NAALADL2: variants seen among roughly 807,000 people sequenced by gnomAD.
NAALADL2 encodes the protein inactive N-acetylated-alpha-linked acidic dipeptidase-like protein 2.
Under a neutral mutation model 87.2 loss-of-function variants are expected in NAALADL2, and 76 were observed. That is an observed-to-expected ratio of 0.87 (90% CI 0.72 to 1.05). NAALADL2 has a LOEUF of 1.05. NAALADL2 is among the 50% of genes least tolerant of loss of function. The pLI is 0.00. For missense variants in NAALADL2, 1,089 were observed against 945.8 expected (o/e 1.15, Z -1.99); for synonymous variants, 354 against 331.0 (o/e 1.07, Z -0.75).
intron 1 of NAALADL2, among the ~76,000 whole-genome samples, chr3:174,489,066 G>T (rs1046631899): frequency 6.6e-6 from 1 of 151,930 alleles, no homozygotes; most frequent in Non-Finnish European, 1.5e-5. Context: ...CTGGATATTG[G>T]TCAGCCATTT....
intron 3 of NAALADL2, among the ~76,000 whole-genome samples, chr3:174,799,954 TAG>T (rs1220700289): frequency 6.6e-6 from 1 of 152,138 alleles, no homozygotes; most frequent in Admixed American, 6.6e-5. Flanking sequence ...GCCCCTGCCC[TAG>T]AGATCTGTGG....
At chr3:175,246,632 C>T (rs563927284) in intron 3 of NAALADL2, among the ~76,000 whole-genome samples, 58 of 152,278 alleles carry the variant, frequency 3.8e-4, no homozygotes, top group African/African-American at 1.2e-3. Flanking sequence ...GACTTAGTTA[C>T]TTTTAATTAC....
intron 10 of NAALADL2, among the ~76,000 whole-genome samples, chr3:175,614,388 GT>G (rs1313402681): frequency 6.6e-6 from 1 of 152,164 alleles, no homozygotes; most frequent in Non-Finnish European, 1.5e-5. Flanking sequence ...TAGATATTTA[GT>G]ATTTATTTTT....
At chr3:175,088,171 A>G (rs1484318239) in intron 1 of NAALADL2, among the ~76,000 whole-genome samples, 1 of 152,192 alleles carries the variant, frequency 6.6e-6, no homozygotes, top group Non-Finnish European at 1.5e-5. Context: ...TTAAATTACC[A>G]ATTTTAATTT....
intron 2 of NAALADL2, among the ~76,000 whole-genome samples, chr3:174,661,495 A>G (rs1184683830): frequency 6.6e-6 from 1 of 152,050 alleles, no homozygotes; most frequent in Non-Finnish European, 1.5e-5. Flanking sequence ...AAAAGGACAT[A>G]TGTAAATATT....
chr3:175,414,780 G>C (rs1276636421), intron 5 of NAALADL2, among the ~76,000 whole-genome samples: 1 of 151,438 alleles, frequency 6.6e-6, no homozygotes, highest in Non-Finnish European at 1.5e-5. Context: ...AGTCCAAATT[G>C]GTTAAGGTAA....
intron 1 of NAALADL2, among the ~76,000 whole-genome samples, chr3:174,933,860 A>G (rs765156140): frequency 3.9e-5 from 6 of 152,168 alleles, no homozygotes; most frequent in Non-Finnish European, 5.9e-5. Flanking sequence ...GGGCTTTGGA[A>G]CTAGAAGGTA....
chr3:174,721,343 T>C lies in NAALADL2; in HGVS notation c.-114-16298T>C, dbSNP rs1022680717. ...CATTTAGCATTATTCTACTAGATATTTCCTTTCCTCAAATAAGCAAATGGA... is the reference window on the plus strand; with the variant it reads ...CATTTAGCATTATTCTACTAGATATCTCCTTTCCTCAAATAAGCAAATGGA... On this transcript the variant is annotated intron_variant, in intron 2 of 3. Transcript: ENST00000434257. Among the ~76,000 whole-genome samples the C allele has an allele frequency of 2.0e-5, 3 of 152,284 alleles. No individual in the cohort carries two copies. In the South Asian group the frequency reaches 6.2e-4, roughly 32 times the overall value.
At chr3:175,327,148 C>CTTTTTTTTTTTTTTTTTTT (rs35198621) in intron 5 of NAALADL2, among the ~76,000 whole-genome samples, 2 of 99,514 alleles carry the variant, frequency 2.0e-5, no homozygotes, top group African/African-American at 8.4e-5. Flanking sequence ...GTCTACATTT[C>CTTTTTTTTTTTTTTTTTTT]TTTTTTTTTT....
chr3:174,445,788 AT>A (rs1715013364), intron 1 of NAALADL2, among the ~76,000 whole-genome samples: 1 of 152,138 alleles, frequency 6.6e-6, no homozygotes, highest in African/African-American at 2.4e-5. Flanking sequence ...CAGAATAGAT[AT>A]TTTTTCCCTT....
chr3:175,554,330 G>A (rs956523928), intron 9 of NAALADL2, among the ~76,000 whole-genome samples: 4 of 151,944 alleles, frequency 2.6e-5, no homozygotes, highest in Non-Finnish European at 5.9e-5. Context: ...CATTGTGGCA[G>A]GATTCACATT....
At position 175,066,612 on chromosome 3, in the gene NAALADL2, T is replaced by C. The variant is rs1269083941; in HGVS notation, c.44-30178T>C. 2.0e-5 allele frequency among the ~76,000 whole-genome samples: 3 copies of C among 152,292 alleles called. No homozygotes were observed. In the East Asian group the frequency reaches 5.8e-4, roughly 29 times the overall value. On this transcript the variant is annotated intron_variant, in intron 1 of 13. Transcript: ENST00000454872. ...AATGGCTTATGGTGAGGTGGGATTG[T>C]TTCTTGGTTAGTTTGGATGCTTTTC... is the stretch of plus-strand genomic sequence containing the variant.
At chr3:175,442,172 T>A (rs1432762731) in intron 5 of NAALADL2, among the ~76,000 whole-genome samples, 1 of 152,102 alleles carries the variant, frequency 6.6e-6, no homozygotes, top group African/African-American at 2.4e-5. Context: ...CTCGATCTCC[T>A]GACCTCAGGT....
At chr3:175,211,488 G>A (rs1029592243) in intron 2 of NAALADL2, among the ~76,000 whole-genome samples, 3 of 151,852 alleles carry the variant, frequency 2.0e-5, no homozygotes, top group African/African-American at 7.2e-5. Flanking sequence ...TTAGAAACAT[G>A]CCTCTATTTT....
chr3:175,534,457 C>A (rs1486554309), intron 9 of NAALADL2, among the ~76,000 whole-genome samples: 1 of 152,134 alleles, frequency 6.6e-6, no homozygotes, highest in Non-Finnish European at 1.5e-5. Flanking sequence ...CTAGGCCAGT[C>A]TAGTCTTTTC....
At chr3:175,258,316 C>A (rs375532374) in intron 4 of NAALADL2, among the ~76,000 whole-genome samples, 10,064 of 102,682 alleles carry the variant, frequency 0.098, 942 homozygotes, top group African/African-American at 0.23. Context: ...TCCCTCCGCC[C>A]CCACCACCAA....
chr3:175,017,249 G>A (rs904455545), intron 1 of NAALADL2, among the ~76,000 whole-genome samples: 4 of 151,804 alleles, frequency 2.6e-5, no homozygotes, highest in African/African-American at 9.7e-5. Context: ...GTGCCCTAGT[G>A]GGATTAAACT....
At chr3:175,171,373 TAAC>T in intron 2 of NAALADL2, among the ~76,000 whole-genome samples, 1 of 152,168 alleles carries the variant, frequency 6.6e-6, no homozygotes, top group East Asian at 1.9e-4. Flanking sequence ...CCATGACACA[TAAC>T]AATCGAATAG....
At chr3:175,787,566 C>A (rs1185477008) in intron 13 of NAALADL2, among the ~76,000 whole-genome samples, 1 of 152,158 alleles carries the variant, frequency 6.6e-6, no homozygotes, top group African/African-American at 2.4e-5. Flanking sequence ...CGCCCTGCTT[C>A]GGCTCGCGCA....
Sources: gnomAD v4.1 joint callset for allele counts (sites outside exome capture counted in the v4.1 genomes callset) on GRCh38, gnomAD v4.1.1 for gene constraint, MANE v1.5 for transcripts, NCBI Gene and HGNC (gene_info 2026-07-23, HGNC 2026-07-21) for gene names.